CFAP91: variants seen among roughly 807,000 people sequenced by gnomAD.
CFAP91 encodes the protein cilia and flagella associated protein 91.
A neutral mutation model predicts 95.9 loss-of-function variants in CFAP91; 85 were observed. The ratio of observed to expected loss-of-function variants is 0.89; its 90% confidence interval spans 0.74 to 1.06. The LOEUF (loss-of-function observed/expected upper bound fraction) is 1.06, where lower values mean the gene tolerates loss of function less well. Ranked by LOEUF, CFAP91 falls within the 50% of genes least tolerant of loss-of-function variation. CFAP91 has a pLI of 0.00. For missense variants in CFAP91, 962 were observed against 943.4 expected (o/e 1.02, Z -0.26); for synonymous variants, 335 against 327.5 (o/e 1.02, Z -0.25).
chr3:119,738,330 GTCTTTTTTTTTTTTTT>G (rs1395630378), intron 11 of CFAP91, among the ~76,000 whole-genome samples: 69 of 23,732 alleles, frequency 2.9e-3, no homozygotes, highest in Admixed American at 0.012. Context: ...TTGACATATT[GTCTTTTTTTTTTTTTT>G]TTTTTTTTTT....
At chr3:119,720,270 G>A (rs1420661193) in intron 6 of CFAP91, among the ~76,000 whole-genome samples, 26 of 150,034 alleles carry the variant, frequency 1.7e-4, no homozygotes, top group African/African-American at 5.6e-4. Flanking sequence ...GGTGGCGGGC[G>A]CCCGTAGTCC....
intron 4 of CFAP91, among the ~76,000 whole-genome samples, chr3:119,709,223 T>C (rs1232735951): frequency 6.6e-6 from 1 of 152,240 alleles, no homozygotes; most frequent in Non-Finnish European, 1.5e-5. Context: ...TTTCCTTATA[T>C]ATCCTACTGG....
chr3:119,741,410 T>C (rs773846891), intron 13 of CFAP91, among the ~76,000 whole-genome samples: 1 of 152,228 alleles, frequency 6.6e-6, no homozygotes, highest in Non-Finnish European at 1.5e-5. Flanking sequence ...TTTGGAGTTT[T>C]AGAGCTGTCA....
rs772507244 is a variant in CFAP91 at position 119,732,440 on chromosome 3, T to C, written c.1165T>C (p.Phe389Leu). 45 of 1,607,838 alleles carry C rather than the reference T, an allele frequency of 2.8e-5. No homozygotes were observed. The highest frequency in any genetic ancestry group is 3.6e-5 in the Non-Finnish European group (43 of 1,178,282). ...GCFPDNNSED[F>L]VVKNYYLNTY... ...TTTCCCAGACAACAACTCAGAGGAC[T>C]TTGTAGTAAAAAACTACTATCTCAA... The change falls in exon 9 of 18, where the codon TTT (phenylalanine) becomes CTT (leucine). Residue 389 changes from phenylalanine to leucine, a missense_variant. Physicochemically the swap from Phe to Leu is conservative, Grantham distance 22. Transcript: ENST00000273390.
chr3:119,737,498 T>C lies in CFAP91; in HGVS notation c.1461+16T>C, dbSNP rs747169389. 7.6e-6 allele frequency: 11 copies of C among 1,447,394 alleles called. No homozygotes were observed. The East Asian group carries it at 1.1e-4, about 15-fold the overall frequency. The allele number at this position is 1,447,394 out of a possible 1,614,324, so 89.7% of individuals were successfully genotyped here. On this transcript the variant is annotated intron_variant, in intron 11 of 17. Coordinates refer to ENST00000273390, the MANE Select transcript of CFAP91 (RefSeq NM_033364.4). ...GACGTCCAATGTAAGTTGGAAACTT[T>C]TTAGTTGAAATGCTAAATTCAATAT...
chr3:119,728,454 G>A (rs1422081754), intron 7 of CFAP91, among the ~76,000 whole-genome samples: 5 of 152,128 alleles, frequency 3.3e-5, no homozygotes, highest in South Asian at 2.1e-4. Flanking sequence ...ATTAACTCAC[G>A]TAATGCTCAC....
In CFAP91 at chr3:119,739,266, A is replaced by G; in HGVS notation, c.1473A>G (p.Glu491=). 6.2e-7 allele frequency: 1 copy of G among 1,614,158 alleles called. No individual in the cohort carries two copies. ...CTTTGTTCTTTTAGGAAGAAGAAGA[A>G]ATGGAAATGGCTGTGATCTACCTTC... is the stretch of plus-strand genomic sequence containing the variant. ...TLEMTSNEEE[E]MEMAVIYLQK... The change falls in exon 12 of 18, where the codon GAA becomes GAG. Residue 491 remains glutamate (E), a synonymous_variant. Coordinates refer to ENST00000273390, the MANE Select transcript of CFAP91 (RefSeq NM_033364.4).
chr3:119,708,381 G>C (rs549935512), intron 3 of CFAP91, among the ~76,000 whole-genome samples: 1 of 151,974 alleles, frequency 6.6e-6, no homozygotes, highest in African/African-American at 2.4e-5. Context: ...CTCAGCTCTT[G>C]CTCTGTCTGA....
chr3:119,747,347 C>T, intron 15 of CFAP91, 84 bp downstream of exon 15: 3 of 1,446,320 alleles, frequency 2.1e-6, no homozygotes, highest in South Asian at 1.4e-5. Context: ...TACAATTTCA[C>T]CACCAAGTAG....
intron 14 of CFAP91, among the ~76,000 whole-genome samples, chr3:119,746,345 G>T (rs1344485256): frequency 6.6e-6 from 1 of 152,160 alleles, no homozygotes; most frequent in Non-Finnish European, 1.5e-5. Context: ...GAGTTTGCTT[G>T]CAATGCACTT....
chr3:119,703,031 G>A lies in CFAP91; in HGVS notation c.-68G>A. ...CTGCGCGCCGGCGGCCGTTACCATA[G>A]CGACGTGCACGCAGTAGCCAGGCCT... is the stretch of plus-strand genomic sequence containing the variant. On this transcript the variant is annotated 5_prime_UTR_variant, in exon 1 of 18. Coordinates refer to ENST00000273390, the MANE Select transcript of CFAP91 (RefSeq NM_033364.4). 1 of 1,519,344 alleles carries A rather than the reference G, an allele frequency of 6.6e-7. No homozygotes were observed. Among genetic ancestry groups the A allele is most frequent in the Non-Finnish European group, 8.9e-7 (1 of 1,126,018 alleles). 94.1% of individuals were successfully genotyped at this position (1,519,344 alleles called of 1,614,324 possible).
intron 10 of CFAP91, among the ~76,000 whole-genome samples, 186 bp from the exon 11 acceptor site, chr3:119,737,180 T>C (rs561842540): frequency 2.0e-4 from 31 of 152,334 alleles, no homozygotes; most frequent in African/African-American, 7.5e-4. Context: ...TATTTATATC[T>C]GTGACCTAGA....
chr3:119,738,730 C>T (rs188634926), intron 11 of CFAP91, among the ~76,000 whole-genome samples: 8 of 152,164 alleles, frequency 5.3e-5, no homozygotes, highest in African/African-American at 1.4e-4. Context: ...AATCTTAATT[C>T]GATTTCCAGA....
rs1021267317 is a variant in CFAP91 at position 119,765,467 on chromosome 3, A to G, written c.*417A>G. 2.0e-5 allele frequency: 3 copies of G among 152,216 alleles called. No individual in the cohort carries two copies. The highest frequency in any genetic ancestry group is 2.0e-4 in the Admixed American group (3 of 15,286). 9.4% of individuals were successfully genotyped at this position (152,216 alleles called of 1,614,324 possible). Reference sequence around the variant, plus strand: ...CATGACTCAGGATTTTATCTCCTAGATATATATTCAACAGAAATGCATGAG... The same window carrying G: ...CATGACTCAGGATTTTATCTCCTAGGTATATATTCAACAGAAATGCATGAG... On this transcript the variant is annotated 3_prime_UTR_variant, in exon 18 of 18. Transcript: ENST00000273390.
Position 119,703,181 on chromosome 3 carries a change from G to C in CFAP91, c.83G>C (p.Gly28Ala), listed in dbSNP as rs1215733775. 3.1e-6 allele frequency: 5 copies of C among 1,610,270 alleles called. No homozygotes were observed. Among genetic ancestry groups the C allele is most frequent in the Non-Finnish European group, 4.2e-6 (5 of 1,178,346 alleles). ...CGGTACCGGGAGAGGTCGCGGGCTGGGAGCCACATCTCCTCCAATCGAGCG... is the reference window on the plus strand; with the variant it reads ...CGGTACCGGGAGAGGTCGCGGGCTGCGAGCCACATCTCCTCCAATCGAGCG... Reference protein sequence around the residue: ...QTRYRERSRAGSHISSNRAYD... With the variant: ...QTRYRERSRAASHISSNRAYD... The change falls in exon 1 of 18, where the codon GGG (glycine) becomes GCG (alanine). Residue 28 changes from glycine to alanine, a missense_variant. Transcript: ENST00000273390.
rs1290508861 is a variant in CFAP91, at chr3:119,739,326, G to C, written c.1533G>C (p.Met511Ile). 5 of 1,613,116 alleles carry C rather than the reference G, an allele frequency of 3.1e-6. No homozygotes were observed. The African/African-American group carries it at 6.7e-5, about 22-fold the overall frequency. Reference sequence around the variant, plus strand: ...TCCGGGGCAGAGTCGTTCAGAACATGGTGTGTAGGTCCAACCGCTGGCCCT... The same window carrying C: ...TCCGGGGCAGAGTCGTTCAGAACATCGTGTGTAGGTCCAACCGCTGGCCCT... ...KLLRGRVVQNMMFEGKEKRLE... is the reference protein window; with the variant it reads ...KLLRGRVVQNIMFEGKEKRLE... The change falls in exon 12 of 18, where the codon ATG (methionine) becomes ATC (isoleucine). Residue 511 changes from methionine (M) to isoleucine (I), a missense_variant and splice_region_variant. Physicochemically the swap from Met to Ile is conservative, Grantham distance 10. Coordinates refer to ENST00000273390, the MANE Select transcript of CFAP91 (RefSeq NM_033364.4).
Position 119,703,212 on chromosome 3 carries a change from T to G in CFAP91, c.114T>G (p.Asp38Glu). The G allele has an allele frequency of 1.9e-6, 3 of 1,612,180 alleles. No individual in the cohort carries two copies. The highest frequency in any genetic ancestry group is 2.5e-6 in the Non-Finnish European group (3 of 1,179,230). Residue 38 changes from aspartate to glutamate, a missense_variant, in exon 1 of 18, where the codon GAT (aspartate) becomes GAG (glutamate). Asp to Glu is a conservative substitution (Grantham distance 45). Transcript: ENST00000273390. ...GSHISSNRAY[D>E]FLYDPLFIVS... is the part of the protein sequence containing the mutation. ...ACATCTCCTCCAATCGAGCGTATGA[T>G]TTTCTGTACGGTAAGGACCGCCGCA...
chr3:119,717,939 G>A (rs1039174404), intron 6 of CFAP91, among the ~76,000 whole-genome samples: 1 of 151,944 alleles, frequency 6.6e-6, no homozygotes, highest in African/African-American at 2.4e-5. Context: ...CCTGGAAATA[G>A]CTCCAGGTGG....
At chr3:119,742,701 A>G (rs2054144124) in intron 13 of CFAP91, among the ~76,000 whole-genome samples, 1 of 152,032 alleles carries the variant, frequency 6.6e-6, no homozygotes, top group African/African-American at 2.4e-5. Flanking sequence ...ATCTCTCCCT[A>G]TTATATAAGT....
Sources: gnomAD v4.1 joint callset for allele counts (sites outside exome capture counted in the v4.1 genomes callset) on GRCh38, gnomAD v4.1.1 for gene constraint, MANE v1.5 for transcripts, NCBI Gene and HGNC (gene_info 2026-07-23, HGNC 2026-07-21) for gene names.